The following PDZD2 variants were observed in gnomAD, a reference collection of about 807,000 sequenced individuals.
The protein encoded by PDZD2 is PDZ domain containing 2.
Under a neutral mutation model 220.7 loss-of-function variants are expected in PDZD2, and 90 were observed. That is an observed-to-expected ratio of 0.41 (90% CI 0.34 to 0.49). The LOEUF (loss-of-function observed/expected upper bound fraction) is 0.49. Among genes scored for constraint, PDZD2 ranks in the 20% least tolerant of loss-of-function variants. PDZD2 has a pLI of 0.28. For missense variants in PDZD2, 3,174 were observed against 3,608.5 expected, an observed-to-expected ratio of 0.88 and a Z score of 3.08; for synonymous variants, 1,375 against 1,450.5, an observed-to-expected ratio of 0.95 and a Z score of 1.18.
At chr5:31,817,907 G>A (rs7701726) in intron 2 of PDZD2, among the ~76,000 whole-genome samples, 1 of 150,266 alleles carries the variant, frequency 6.7e-6, no homozygotes, top group South Asian at 2.1e-4. Flanking sequence ...CAGGTGATCC[G>A]CCTGCCTTGG....
At chr5:31,684,011 G>A (rs1347794999) in intron 1 of PDZD2, among the ~76,000 whole-genome samples, 1 of 151,904 alleles carries the variant, frequency 6.6e-6, no homozygotes, top group East Asian at 1.9e-4. Context: ...AGTTATTTGG[G>A]AACTTGAGTG....
chr5:31,942,455 C>T (rs1746287076), intron 2 of PDZD2, among the ~76,000 whole-genome samples: 1 of 152,096 alleles, frequency 6.6e-6, no homozygotes, highest in Non-Finnish European at 1.5e-5. Flanking sequence ...GACCTGGAGA[C>T]ATGGCTCTTT....
intron 2 of PDZD2, among the ~76,000 whole-genome samples, chr5:31,901,992 C>A (rs936763436): frequency 1.2e-4 from 18 of 152,178 alleles, no homozygotes; most frequent in African/African-American, 4.3e-4. Context: ...ACCAGGTGAT[C>A]GATATTGGGG....
At chr5:31,783,722 G>C (rs760554020) in intron 1 of PDZD2, among the ~76,000 whole-genome samples, 1 of 152,078 alleles carries the variant, frequency 6.6e-6, no homozygotes, top group African/African-American at 2.4e-5. Context: ...TCCCTCTGAG[G>C]CCTCAGCAAT....
At chr5:31,974,181 A>C (rs1016445363) in intron 2 of PDZD2, among the ~76,000 whole-genome samples, 1 of 152,046 alleles carries the variant, frequency 6.6e-6, no homozygotes, top group Non-Finnish European at 1.5e-5. Context: ...GGGTTTCACC[A>C]TGTTGACCGG....
intron 1 of PDZD2, among the ~76,000 whole-genome samples, chr5:31,676,833 T>C (rs1746447292): frequency 6.6e-6 from 1 of 151,930 alleles, no homozygotes; most frequent in Admixed American, 6.6e-5. Flanking sequence ...GGATTACAGG[T>C]GTGAGCTACC....
At chr5:31,958,304 AG>A (rs748236227) in intron 2 of PDZD2, among the ~76,000 whole-genome samples, 43 of 151,502 alleles carry the variant, frequency 2.8e-4, no homozygotes, top group Admixed American at 5.3e-4. Flanking sequence ...CCCAGGCTGG[AG>A]TGCAGTGGTG....
intron 2 of PDZD2, among the ~76,000 whole-genome samples, chr5:31,850,243 TACACACACACACAC>T (rs1554082942): frequency 8.2e-6 from 1 of 122,230 alleles, no homozygotes; most frequent in African/African-American, 3.0e-5. Context: ...TATATATATA[TACACACACACACAC>T]ACACATATAT....
chr5:31,746,605 A>G (rs569622283), intron 1 of PDZD2, among the ~76,000 whole-genome samples: 20 of 152,342 alleles, frequency 1.3e-4, no homozygotes, highest in Admixed American at 9.8e-4. Context: ...CTATTATCCA[A>G]GGACAACAGG....
chr5:32,045,910 T>C (rs1178638586), intron 7 of PDZD2, among the ~76,000 whole-genome samples: 2 of 152,214 alleles, frequency 1.3e-5, no homozygotes, highest in Non-Finnish European at 1.5e-5. Context: ...ATCAATACTT[T>C]TTAAAACAAT....
At chr5:31,697,161 T>G (rs1423834460) in intron 1 of PDZD2, among the ~76,000 whole-genome samples, 1 of 152,126 alleles carries the variant, frequency 6.6e-6, no homozygotes, top group African/African-American at 2.4e-5. Context: ...GTAGAAAGTT[T>G]AGAAAATAGG....
chr5:31,762,272 TTTGTTG>T (rs549890419), intron 1 of PDZD2, among the ~76,000 whole-genome samples: 3 of 151,922 alleles, frequency 2.0e-5, no homozygotes, highest in Admixed American at 1.3e-4. Flanking sequence ...CTTGGTTTTG[TTTGTTG>T]TTGTTGTTGT....
At position 31,850,037 on chromosome 5, in the gene PDZD2, CGTATATATATATACGT is replaced by C. The variant is rs1218549166; in HGVS notation, c.476+50323_476+50338del. On this transcript the variant is annotated intron_variant, in intron 2 of 24. Transcript: ENST00000438447. The stretch of plus-strand genomic sequence containing the variant: ...ACACACGTATATACTCATATATACA[CGTATATATATATACGT>C]GTATATATAAGTATATATATGTGTA... Among the ~76,000 whole-genome samples, 35 of 54,078 alleles carry C rather than the reference CGTATATATATATACGT, an allele frequency of 6.5e-4. 1 individual carries two copies. Among genetic ancestry groups the C allele is most frequent in the Non-Finnish European group, 9.0e-4 (29 of 32,056 alleles). 35.5% of individuals were successfully genotyped at this position (54,078 alleles called of 152,430 possible).
chr5:31,895,386 C>G (rs1741453354), intron 2 of PDZD2, among the ~76,000 whole-genome samples: 1 of 152,110 alleles, frequency 6.6e-6, no homozygotes, highest in African/African-American at 2.4e-5. Context: ...CTTATCTCCT[C>G]TGTCATGTGA....
chr5:32,084,866 C>G (rs1299960481), intron 19 of PDZD2, among the ~76,000 whole-genome samples: 4 of 151,886 alleles, frequency 2.6e-5, no homozygotes, highest in Admixed American at 2.0e-4. Flanking sequence ...TGACTTCCCA[C>G]TGTCCACTGG....
chr5:31,721,180 C>CA (rs1748767376), intron 1 of PDZD2, among the ~76,000 whole-genome samples: 1 of 152,160 alleles, frequency 6.6e-6, no homozygotes, highest in African/African-American at 2.4e-5. Context: ...ATGGATGAAG[C>CA]AAGAGAGGAG....
At chr5:31,741,434 CA>C (rs1465865355) in intron 1 of PDZD2, among the ~76,000 whole-genome samples, 2 of 151,696 alleles carry the variant, frequency 1.3e-5, no homozygotes, top group African/African-American at 4.9e-5. Flanking sequence ...TCCATAGCTC[CA>C]TGGTGAATTA....
intron 2 of PDZD2, chr5:31,820,720 C>T (rs867123536): frequency 4.6e-5 from 7 of 151,988 alleles, no homozygotes; most frequent in Non-Finnish European, 1.5e-5. Flanking sequence ...AATCAAAGGA[C>T]ATTTTTGCCA....
In PDZD2 at chr5:31,835,685, A is replaced by T. The variant is rs144872423; in HGVS notation, c.476+35961A>T. On this transcript the variant is annotated intron_variant, in intron 2 of 24. Transcript: ENST00000438447. ...TTACTGACCAAGAAGATAAGAATTC[A>T]TCTAGGGACAGTTACATGAACTCAT... Among the ~76,000 whole-genome samples, 882 of 152,226 alleles carry T rather than the reference A, an allele frequency of 5.8e-3. 5 individuals carry two copies. Among genetic ancestry groups the T allele is most frequent in the Non-Finnish European group, 0.01 (687 of 68,012 alleles).
Sources: gnomAD v4.1 joint callset for allele counts (sites outside exome capture counted in the v4.1 genomes callset) on GRCh38, gnomAD v4.1.1 for gene constraint, MANE v1.5 for transcripts, NCBI Gene and HGNC (gene_info 2026-07-23, HGNC 2026-07-21) for gene names.